Variants in CCDC82 observed in about 807,000 individuals in gnomAD.
CCDC82 encodes coiled-coil domain containing 82, also known as coiled-coil domain-containing protein 82.
Under a neutral mutation model 60.6 loss-of-function variants are expected in CCDC82, and 47 were observed. That is an observed-to-expected ratio of 0.77 (90% CI 0.61 to 0.99). The LOEUF is 0.99. Ranked by LOEUF, CCDC82 falls within the 50% of genes least tolerant of loss-of-function variation. CCDC82 has a pLI of 0.00. For synonymous variants in CCDC82, 212 were observed against 207.4 expected, an observed-to-expected ratio of 1.02 and a Z score of -0.19; for missense variants, 588 against 633.0, an observed-to-expected ratio of 0.93 and a Z score of 0.76.
intron 9 of CCDC82, chr11:96,356,828 G>A: frequency 3.0e-6 from 3 of 985,390 alleles, no homozygotes; most frequent in Non-Finnish European, 3.6e-6. Flanking sequence ...GGGAAGACAT[G>A]CTGAGACATC....
At chr11:96,376,856 A>T (rs1161650727) in intron 5 of CCDC82, among the ~76,000 whole-genome samples, 1 of 152,188 alleles carries the variant, frequency 6.6e-6, no homozygotes, top group African/African-American at 2.4e-5. Flanking sequence ...TTACATACTT[A>T]CTGTGAATCT....
chr11:96,360,199 T>TATA (rs558172122), intron 8 of CCDC82, among the ~76,000 whole-genome samples: 2 of 117,602 alleles, frequency 1.7e-5, no homozygotes, highest in Admixed American at 9.2e-5. Flanking sequence ...TATATATATA[T>TATA]TTTTTTTGTT....
chr11:96,355,059 C>T (rs1314700996), intron 9 of CCDC82: 1 of 152,116 alleles, frequency 6.6e-6, no homozygotes, highest in Admixed American at 6.5e-5. Flanking sequence ...CTAGGGACTA[C>T]TTAGGAATTT....
At chr11:96,357,071 G>C (rs1177790898) in intron 9 of CCDC82, 1 of 985,310 alleles carries the variant, frequency 1.0e-6, no homozygotes, top group South Asian at 4.7e-5. Context: ...TGTAGCTAAA[G>C]GCAGCACACA....
At chr11:96,381,667 T>A (rs1865883995) in intron 5 of CCDC82, 1 of 151,774 alleles carries the variant, frequency 6.6e-6, no homozygotes. Flanking sequence ...TATATTTTCA[T>A]GTAAGTAACG....
chr11:96,358,011 T>C, intron 9 of CCDC82: 1 of 985,392 alleles, frequency 1.0e-6, no homozygotes, highest in Non-Finnish European at 1.2e-6. Flanking sequence ...AGTGATGATG[T>C]CATTATCTAG....
Position 96,386,255 on chromosome 11 carries a change from G to A in CCDC82, c.-16C>T, listed in dbSNP as rs1334994651. On this transcript the variant is annotated splice_region_variant and 5_prime_UTR_variant, in exon 3 of 10. Coordinates refer to ENST00000646818, the MANE Select transcript of CCDC82 (RefSeq NM_024725.4). ...TTTTTTGAGCAATGGGAATCTTACCGGACTATGTTTCCAGCTTTCCAAGAG... is the reference window on the plus strand; with the variant it reads ...TTTTTTGAGCAATGGGAATCTTACCAGACTATGTTTCCAGCTTTCCAAGAG... 3 of 152,426 alleles carry A rather than the reference G, an allele frequency of 2.0e-5. No individual in the cohort carries two copies. Among genetic ancestry groups the A allele is most frequent in the Non-Finnish European group, 2.9e-5 (2 of 68,004 alleles). 9.4% of individuals were successfully genotyped at this position (152,426 alleles called of 1,614,324 possible).
At chr11:96,366,753 G>C (rs567645748) in intron 7 of CCDC82, among the ~76,000 whole-genome samples, 6 of 152,090 alleles carry the variant, frequency 3.9e-5, no homozygotes, top group Admixed American at 6.5e-5. Flanking sequence ...TCCTCATGGG[G>C]TTACTTTGAA....
chr11:96,383,064 A>C, intron 5 of CCDC82: 3 of 506,122 alleles, frequency 5.9e-6, no homozygotes, highest in Non-Finnish European at 1.0e-5. Flanking sequence ...TCATTGAAGT[A>C]AAGGCGTGTT....
rs1455388579 is a variant in CCDC82 at position 96,383,983 on chromosome 11, G to A, written c.765C>T (p.Arg255=). The A allele has an allele frequency of 6.2e-7, 1 of 1,612,170 alleles. No homozygotes were observed. The highest frequency in any genetic ancestry group is 1.7e-5 in the Admixed American group (1 of 59,730). The stretch of plus-strand genomic sequence containing the variant: ...ACACCTCAAAATCTCTACCACTACT[G>A]CGTCTCTGACGAGATCTTTGTTTTG... ...ELSKQRSRQR[R]SSGRDFEDSE... The change falls in exon 4 of 10, where the codon CGC becomes CGT. Residue 255 remains arginine (R), a synonymous_variant. Coordinates refer to ENST00000646818, the MANE Select transcript of CCDC82 (RefSeq NM_024725.4).
At chr11:96,355,148 T>C (rs1422337148) in intron 9 of CCDC82, 1 of 152,320 alleles carries the variant, frequency 6.6e-6, no homozygotes, top group East Asian at 1.9e-4. Context: ...CTTTAAAAGT[T>C]TGACTTTTTA....
rs1197370998 is a variant in CCDC82, at chr11:96,377,558, T to C, written c.992-4091A>G. ...ATACTGTCATGTAAAGGACGTATGT[T>C]CCTATTACTAATTTTTTAACAACTG... On this transcript the variant is annotated intron_variant, in intron 5 of 9. Coordinates refer to ENST00000646818, the MANE Select transcript of CCDC82 (RefSeq NM_024725.4). Among the ~76,000 whole-genome samples, 3 of 152,188 alleles carry C rather than the reference T, an allele frequency of 2.0e-5. No individual in the cohort carries two copies. In the East Asian group the frequency reaches 5.8e-4, roughly 29 times the overall value.
intron 2 of CCDC82, chr11:96,387,306 TCA>T (rs1456007343): frequency 6.6e-6 from 1 of 152,180 alleles, no homozygotes; most frequent in African/African-American, 2.4e-5. Flanking sequence ...GCCCAGAATG[TCA>T]GTTATTTATC....
intron 6 of CCDC82, among the ~76,000 whole-genome samples, chr11:96,372,728 A>G (rs571417451): frequency 5.1e-4 from 74 of 145,750 alleles, no homozygotes; most frequent in African/African-American, 1.7e-3. Flanking sequence ...ATTTATATAT[A>G]TAAATATATA....
chr11:96,356,674 T>C (rs951613042), intron 9 of CCDC82: 16 of 952,682 alleles, frequency 1.7e-5, no homozygotes, highest in Non-Finnish European at 1.9e-5. Flanking sequence ...GGTTTTATTA[T>C]AATTTTCCTA....
intron 8 of CCDC82, 46 bp downstream of exon 8, chr11:96,364,934 A>G (rs964280564): frequency 9.2e-6 from 14 of 1,514,634 alleles, no homozygotes; most frequent in Non-Finnish European, 1.2e-5. Context: ...TTTATGAAAT[A>G]AAAATTTCTA....
chr11:96,354,981 A>G (rs1351705813), intron 9 of CCDC82: 1 of 152,108 alleles, frequency 6.6e-6, no homozygotes, highest in Admixed American at 6.6e-5. Context: ...CTTTTTTATA[A>G]CCGTATGATA....
At chr11:96,373,189 T>C (rs1486622574) in intron 6 of CCDC82, among the ~76,000 whole-genome samples, 186 bp downstream of exon 6, 1 of 152,214 alleles carries the variant, frequency 6.6e-6, no homozygotes, top group Non-Finnish European at 1.5e-5. Flanking sequence ...TCTCAGATAA[T>C]GAACACTAAC....
rs1865395477 is a variant in CCDC82, at chr11:96,373,452, T to G, written c.1007A>C (p.His336Pro). 3.1e-6 allele frequency: 5 copies of G among 1,595,398 alleles called. No individual in the cohort carries two copies. Among genetic ancestry groups the G allele is most frequent in the Non-Finnish European group, 4.3e-6 (5 of 1,167,726 alleles). ...CACAACTCTTTCAAAATGAGTATAG[T>G]GGTCACTAAAAGAATCTGAAATTAA... ...KQNSLYSFSD[H>P]YTHFERVVKA... The change falls in exon 6 of 10, where the codon CAC becomes CCC. Residue 336 changes from histidine (H) to proline (P), a missense_variant. By Grantham distance (77) the His-to-Pro change is moderately conservative. Transcript: ENST00000646818.
Sources: gnomAD v4.1 joint callset for allele counts (sites outside exome capture counted in the v4.1 genomes callset) on GRCh38, gnomAD v4.1.1 for gene constraint, MANE v1.5 for transcripts, NCBI Gene and HGNC (gene_info 2026-07-23, HGNC 2026-07-21) for gene names.